Variants in RYR3 observed in about 807,000 individuals in gnomAD.
The protein encoded by RYR3 is ryanodine receptor 3.
Under a neutral mutation model 584.3 loss-of-function variants are expected in RYR3, and 207 were observed. The observed-to-expected ratio is 0.35, with a 90% CI of 0.32 to 0.40. The LOEUF is 0.40. Among genes scored for constraint, RYR3 ranks in the 10% least tolerant of loss-of-function variants. The pLI, the probability that RYR3 is intolerant of heterozygous loss-of-function variation, is 1.00. For synonymous variants in RYR3, 2,416 were observed against 2,248.5 expected (o/e 1.07, Z -2.11); for missense variants, 5,616 against 6,089.2 (o/e 0.92, Z 2.59).
intron 1 of RYR3, among the ~76,000 whole-genome samples, chr15:33,325,067 G>A (rs906413529): frequency 3.3e-5 from 5 of 152,246 alleles, no homozygotes; most frequent in Admixed American, 1.3e-4. Flanking sequence ...TGGGACATAC[G>A]TCTGCTCTAC....
intron 3 of RYR3, among the ~76,000 whole-genome samples, chr15:33,512,640 A>G (rs1247105289): frequency 3.3e-5 from 5 of 152,220 alleles, no homozygotes; most frequent in African/African-American, 1.2e-4. Context: ...CTAATGTTAC[A>G]CAAACTAGAA....
intron 3 of RYR3, among the ~76,000 whole-genome samples, chr15:33,514,515 G>A (rs2140903630): frequency 6.6e-6 from 1 of 152,194 alleles, no homozygotes; most frequent in South Asian, 2.1e-4. Context: ...TCTCTGGGTG[G>A]GGCCAGAGGT....
chr15:33,608,134 A>G (rs1166651368), intron 18 of RYR3, among the ~76,000 whole-genome samples: 1 of 152,214 alleles, frequency 6.6e-6, no homozygotes, highest in Non-Finnish European at 1.5e-5. Flanking sequence ...GTACCTTACA[A>G]ATAACTCTCT....
At chr15:33,669,484 C>A (rs1566918653) in intron 37 of RYR3, 28 bp downstream of exon 37, 2 of 1,591,092 alleles carry the variant, frequency 1.3e-6, no homozygotes, top group Admixed American at 3.4e-5. Context: ...AGGCTTTGTC[C>A]TTTTTTTACA....
chr15:33,854,519 G>C (rs1416907615), intron 97 of RYR3, 70 bp downstream of exon 97: 1 of 1,320,982 alleles, frequency 7.6e-7, no homozygotes, highest in East Asian at 2.5e-5. Flanking sequence ...AGCAAGCTAT[G>C]CAGGATGCTC....
intron 1 of RYR3, among the ~76,000 whole-genome samples, chr15:33,364,080 T>C (rs1017270544): frequency 3.3e-5 from 5 of 152,228 alleles, no homozygotes; most frequent in Admixed American, 2.0e-4. Flanking sequence ...CAAAAACTTA[T>C]AATATCTCAT....
intron 10 of RYR3, among the ~76,000 whole-genome samples, chr15:33,560,455 T>C (rs2057339937): frequency 6.6e-6 from 1 of 151,752 alleles, no homozygotes; most frequent in Non-Finnish European, 1.5e-5. Context: ...CTTTGTATTT[T>C]TTTTTTGCAA....
chr15:33,741,269 C>T (rs1425659338), intron 51 of RYR3, among the ~76,000 whole-genome samples: 2 of 152,160 alleles, frequency 1.3e-5, no homozygotes, highest in South Asian at 2.1e-4. Flanking sequence ...AGTGAAAGGC[C>T]AACCTGGCCT....
chr15:33,445,627 T>C (rs1317947911), intron 1 of RYR3, among the ~76,000 whole-genome samples: 1 of 145,842 alleles, frequency 6.9e-6, no homozygotes, highest in Non-Finnish European at 1.5e-5. Context: ...CCTCATCCCA[T>C]TTTTCTACAA....
intron 3 of RYR3, among the ~76,000 whole-genome samples, chr15:33,505,691 A>C (rs1490898224): frequency 6.6e-6 from 1 of 152,122 alleles, no homozygotes; most frequent in Non-Finnish European, 1.5e-5. Flanking sequence ...ATGGGGTTTC[A>C]CCGTGTTAGC....
intron 3 of RYR3, among the ~76,000 whole-genome samples, chr15:33,508,830 T>G (rs2052710039): frequency 6.6e-6 from 1 of 152,230 alleles, no homozygotes; most frequent in Admixed American, 6.5e-5. Flanking sequence ...TTTATTCTTG[T>G]CTTTACAGTA....
At chr15:33,823,108 C>A (rs752558709) in intron 81 of RYR3, 36 bp downstream of exon 81, 9 of 1,573,770 alleles carry the variant, frequency 5.7e-6, no homozygotes, top group Non-Finnish European at 7.8e-6. Flanking sequence ...ATTTAAAAAA[C>A]TCTTCCCTCT....
chr15:33,836,310 A>G (rs2078049731), intron 87 of RYR3, among the ~76,000 whole-genome samples: 1 of 152,038 alleles, frequency 6.6e-6, no homozygotes, highest in Non-Finnish European at 1.5e-5. Flanking sequence ...CATAGGGTAT[A>G]AGGCACGGAG....
intron 76 of RYR3, 125 bp from the exon 77 acceptor site, chr15:33,819,631 G>C (rs1447563966): frequency 4.0e-6 from 2 of 504,042 alleles, no homozygotes; most frequent in East Asian, 1.2e-4. Context: ...CCGAGATCGC[G>C]TCATTGCACT....
At chr15:33,560,288 T>A (rs774394263) in intron 10 of RYR3, among the ~76,000 whole-genome samples, 5 of 152,246 alleles carry the variant, frequency 3.3e-5, no homozygotes, top group African/African-American at 4.8e-5. Flanking sequence ...GATCTTTGTT[T>A]GTTGTTGCTG....
intron 67 of RYR3, among the ~76,000 whole-genome samples, chr15:33,797,560 A>G (rs2075695378): frequency 6.6e-6 from 1 of 152,138 alleles, no homozygotes; most frequent in South Asian, 2.1e-4. Flanking sequence ...GAACCTCACT[A>G]GAGATAAAGA....
chr15:33,618,215 ATAGT>A (rs1420439137), intron 19 of RYR3, among the ~76,000 whole-genome samples: 1 of 152,180 alleles, frequency 6.6e-6, no homozygotes, highest in Non-Finnish European at 1.5e-5. Flanking sequence ...TTTTATGGCT[ATAGT>A]TAAACTCCCC....
chr15:33,687,368 A>G (rs533574919), intron 38 of RYR3, among the ~76,000 whole-genome samples: 5 of 152,332 alleles, frequency 3.3e-5, no homozygotes, highest in Admixed American at 6.5e-5. Context: ...GATGTGAAGG[A>G]CCTCTTCAAG....
At chr15:33,405,161 T>C (rs1364716754) in intron 1 of RYR3, among the ~76,000 whole-genome samples, 1 of 152,228 alleles carries the variant, frequency 6.6e-6, no homozygotes, top group African/African-American at 2.4e-5. Context: ...TATAAAACTT[T>C]GGTTTTCTTG....
Sources: gnomAD v4.1 joint callset for allele counts (sites outside exome capture counted in the v4.1 genomes callset) on GRCh38, gnomAD v4.1.1 for gene constraint, MANE v1.5 for transcripts, NCBI Gene and HGNC (gene_info 2026-07-23, HGNC 2026-07-21) for gene names.